RYR2: variants seen among roughly 807,000 people sequenced by gnomAD.
RYR2 encodes the protein ryanodine receptor 2.
RYR2 carries 227 observed loss-of-function variants against 601.1 expected under a neutral mutation model. That is an observed-to-expected ratio of 0.38 (90% CI 0.34 to 0.42). The LOEUF (loss-of-function observed/expected upper bound fraction) is 0.42, where lower values mean the gene tolerates loss of function less well. RYR2 is among the 10% of genes least tolerant of loss of function. The pLI, the probability that RYR2 is intolerant of heterozygous loss-of-function variation, is 1.00. For missense variants in RYR2, 4,646 were observed against 6,156.5 expected (o/e 0.75, Z 8.21); for synonymous variants, 2,223 against 2,175.1 (o/e 1.02, Z -0.61).
intron 63 of RYR2, among the ~76,000 whole-genome samples, chr1:237,690,928 T>C (rs1021109598): frequency 6.6e-6 from 1 of 152,224 alleles, no homozygotes; most frequent in African/African-American, 2.4e-5. Flanking sequence ...TTATCAGCTA[T>C]GCCAGTGTGG....
At chr1:237,477,481 G>C (rs1409467782) in intron 17 of RYR2, among the ~76,000 whole-genome samples, 1 of 152,214 alleles carries the variant, frequency 6.6e-6, no homozygotes, top group Non-Finnish European at 1.5e-5. Context: ...TGGGAACTGA[G>C]CTTAAGTTTC....
rs147008425 is a variant in RYR2, at chr1:237,739,862, G to A, written c.11092-2434G>A. On this transcript the variant is annotated intron_variant, in intron 79 of 104. Coordinates refer to ENST00000366574, the MANE Select transcript of RYR2 (RefSeq NM_001035.3). ...TGAAATTTTCAGCAGATACTGGCAA[G>A]CTGAAGAGCCCTCATTACTGTGTTA... Among the ~76,000 whole-genome samples, 538 of 152,318 alleles carry A rather than the reference G, an allele frequency of 3.5e-3. 4 individuals carry two copies. Among genetic ancestry groups the A allele is most frequent in the African/African-American group, 0.012 (505 of 41,578 alleles).
intron 1 of RYR2, among the ~76,000 whole-genome samples, chr1:237,071,197 C>CGAGTCCAGCT (rs1489928221): frequency 2.6e-5 from 4 of 151,806 alleles, no homozygotes; most frequent in Non-Finnish European, 5.9e-5. Context: ...GACGAGTGTG[C>CGAGTCCAGCT]GAGTCCAGCT....
At chr1:237,238,761 G>A (rs1015102764) in intron 1 of RYR2, among the ~76,000 whole-genome samples, 16 of 152,196 alleles carry the variant, frequency 1.1e-4, no homozygotes, top group Non-Finnish European at 8.8e-5. Flanking sequence ...AGATCTGTAA[G>A]AGATTTGCCA....
chr1:237,549,246 T>A (rs1670130371), intron 26 of RYR2, among the ~76,000 whole-genome samples: 2 of 152,122 alleles, frequency 1.3e-5, no homozygotes, highest in South Asian at 4.2e-4. Context: ...AGTACAAATT[T>A]GCCTGAAAGA....
At chr1:237,458,838 TAG>T (rs1190490311) in intron 16 of RYR2, among the ~76,000 whole-genome samples, 5 of 152,226 alleles carry the variant, frequency 3.3e-5, no homozygotes, top group Non-Finnish European at 7.3e-5. Flanking sequence ...TTAAAATTTA[TAG>T]AGTCATAATA....
chr1:237,081,387 C>T (rs975378568), intron 1 of RYR2, among the ~76,000 whole-genome samples: 10 of 151,746 alleles, frequency 6.6e-5, no homozygotes, highest in Admixed American at 6.6e-4. Context: ...GCCCCTCAGT[C>T]CCCTTGTATG....
At chr1:237,343,072 G>T (rs1195156244) in intron 3 of RYR2, among the ~76,000 whole-genome samples, 2 of 152,100 alleles carry the variant, frequency 1.3e-5, no homozygotes, top group Non-Finnish European at 2.9e-5. Context: ...GCTGGACATG[G>T]TGGCTAATAG....
chr1:237,051,164 T>C, intron 1 of RYR2, among the ~76,000 whole-genome samples: 1 of 135,472 alleles, frequency 7.4e-6, no homozygotes, highest in African/African-American at 2.8e-5. Context: ...TCCCTTTCCC[T>C]CCCCTCCCTT....
At chr1:237,696,963 A>G (rs950573623) in intron 63 of RYR2, among the ~76,000 whole-genome samples, 5 of 152,256 alleles carry the variant, frequency 3.3e-5, no homozygotes, top group African/African-American at 1.2e-4. Context: ...TTGAAAATAT[A>G]AATCGTATCA....
chr1:237,666,375 A>G (rs781442190), intron 56 of RYR2, 137 bp from the exon 57 acceptor site: 8 of 703,168 alleles, frequency 1.1e-5, no homozygotes, highest in Non-Finnish European at 1.7e-5. Context: ...TTACAACATC[A>G]TTTTGTATAG....
At chr1:237,111,380 G>C (rs1312306895) in intron 1 of RYR2, among the ~76,000 whole-genome samples, 1 of 152,120 alleles carries the variant, frequency 6.6e-6, no homozygotes, top group Non-Finnish European at 1.5e-5. Flanking sequence ...TTGAGGTCAG[G>C]AGTTCAAGAC....
In RYR2 at chr1:237,566,597, G is replaced by T; in HGVS notation, c.3245G>T (p.Gly1082Val). 6.2e-7 allele frequency: 1 copy of T among 1,613,962 alleles called. No homozygotes were observed. Among genetic ancestry groups the T allele is most frequent in the Non-Finnish European group, 8.5e-7 (1 of 1,179,870 alleles). Residue 1082 changes from glycine to valine, a missense_variant, in exon 28 of 105, where the codon GGG (glycine) becomes GTG (valine). Transcript: ENST00000366574. ...AGAGCCGAAGTGTGCAGCGGCACCG[G>T]GGAAAGGTTCCGAATCTTCCGTGCC... is the stretch of plus-strand genomic sequence containing the variant. ...AARAEVCSGT[G>V]ERFRIFRAEK...
At chr1:237,474,360 A>C (rs1661166934) in intron 17 of RYR2, among the ~76,000 whole-genome samples, 1 of 151,626 alleles carries the variant, frequency 6.6e-6, no homozygotes, top group South Asian at 2.1e-4. Flanking sequence ...GGGGTTTGAA[A>C]CAGTTTCAGT....
intron 100 of RYR2, among the ~76,000 whole-genome samples, chr1:237,812,915 T>C (rs1156304246): frequency 6.6e-6 from 1 of 151,196 alleles, no homozygotes; most frequent in African/African-American, 2.4e-5. Flanking sequence ...TTTTTTAACT[T>C]ACAGCAACTG....
At chr1:237,058,691 C>T (rs1009960443) in intron 1 of RYR2, among the ~76,000 whole-genome samples, 4 of 151,578 alleles carry the variant, frequency 2.6e-5, no homozygotes, top group Middle Eastern at 3.4e-3. Context: ...CAGGGCGGGC[C>T]GGATTACTTG....
At chr1:237,447,288 A>AT (rs532809215) in intron 14 of RYR2, among the ~76,000 whole-genome samples, 185 of 152,274 alleles carry the variant, frequency 1.2e-3, no homozygotes, top group Non-Finnish European at 2.1e-3. Flanking sequence ...CATAAGTGAC[A>AT]TTTTTTTATG....
intron 61 of RYR2, among the ~76,000 whole-genome samples, chr1:237,678,431 AT>A (rs1473463673): frequency 2.6e-5 from 4 of 152,188 alleles, no homozygotes; most frequent in Non-Finnish European, 5.9e-5. Flanking sequence ...TATTGTTATG[AT>A]TTAAAATTTC....
At chr1:237,360,310 G>A (rs1699672675) in intron 4 of RYR2, among the ~76,000 whole-genome samples, 1 of 152,178 alleles carries the variant, frequency 6.6e-6, no homozygotes, top group Non-Finnish European at 1.5e-5. Context: ...AGAAATCAAT[G>A]TGTTGCTTTT....
Sources: gnomAD v4.1 joint callset for allele counts (sites outside exome capture counted in the v4.1 genomes callset) on GRCh38, gnomAD v4.1.1 for gene constraint, MANE v1.5 for transcripts, NCBI Gene and HGNC (gene_info 2026-07-23, HGNC 2026-07-21) for gene names.